SEMA3C: variants seen among roughly 807,000 people sequenced by gnomAD.
SEMA3C encodes semaphorin-3C.
Under a neutral mutation model 89.4 loss-of-function variants are expected in SEMA3C, and 47 were observed. The observed-to-expected ratio is 0.53, with a 90% CI of 0.42 to 0.67. The LOEUF is 0.67. Among genes scored for constraint, SEMA3C ranks in the 30% least tolerant of loss-of-function variants. The pLI, the probability that SEMA3C is intolerant of heterozygous loss-of-function variation, is 0.00. For synonymous variants in SEMA3C, 310 were observed against 320.2 expected (o/e 0.97, Z 0.34); for missense variants, 839 against 929.1 (o/e 0.90, Z 1.26).
chr7:80,828,335 T>G (rs1179774019), intron 3 of SEMA3C, among the ~76,000 whole-genome samples: 2 of 152,080 alleles, frequency 1.3e-5, no homozygotes, highest in South Asian at 2.1e-4. Flanking sequence ...TTTCTTTATA[T>G]ATTTATACAC....
chr7:80,918,495 T>G (rs1792331521), intron 1 of SEMA3C: 1 of 152,202 alleles, frequency 6.6e-6, no homozygotes, highest in Non-Finnish European at 1.5e-5. Context: ...CTTCTTCCCT[T>G]TAACTCAGAC....
chr7:80,872,924 A>G (rs376941471), intron 2 of SEMA3C, among the ~76,000 whole-genome samples: 60 of 113,016 alleles, frequency 5.3e-4, no homozygotes, highest in Middle Eastern at 4.5e-3. Context: ...AATGAGAGTG[A>G]AAAAAAAAAA....
At chr7:80,746,747 G>GTGTGTGTGTGTGTGT (rs1554357889) in intron 17 of SEMA3C, among the ~76,000 whole-genome samples, 11 of 150,600 alleles carry the variant, frequency 7.3e-5, no homozygotes, top group Non-Finnish European at 1.2e-4. Flanking sequence ...GTGTGTGTGT[G>GTGTGTGTGTGTGTGT]GAGGGGAGGA....
intron 2 of SEMA3C, among the ~76,000 whole-genome samples, chr7:80,906,970 T>G (rs1792030506): frequency 6.6e-6 from 1 of 152,196 alleles, no homozygotes; most frequent in South Asian, 2.1e-4. Flanking sequence ...AACCAAAGGT[T>G]ATAATACTAG....
chr7:80,872,414 A>G (rs1791082968), intron 2 of SEMA3C, among the ~76,000 whole-genome samples: 1 of 152,066 alleles, frequency 6.6e-6, no homozygotes, highest in African/African-American at 2.4e-5. Context: ...CAGCCTCCCA[A>G]AGTGCTGAGA....
At chr7:80,853,745 T>C (rs1335306102) in intron 2 of SEMA3C, among the ~76,000 whole-genome samples, 1 of 152,194 alleles carries the variant, frequency 6.6e-6, no homozygotes, top group Non-Finnish European at 1.5e-5. Flanking sequence ...AATAATTTAT[T>C]GTACATTTAA....
chr7:80,758,355 G>A lies in SEMA3C; in HGVS notation c.1619C>T (p.Ser540Phe). ...PYCAWDGHSC[S>F]RFYPTGKRRS... ...CCGTTTCCCAGTTGGGTAGAATCTGGAACAGGAATGGCCATCCCAGGCGCA... is the reference window on the plus strand; with the variant it reads ...CCGTTTCCCAGTTGGGTAGAATCTGAAACAGGAATGGCCATCCCAGGCGCA... Residue 540 changes from serine (S) to phenylalanine (F), a missense_variant, in exon 15 of 18, where the codon TCC (serine) becomes TTC (phenylalanine). By Grantham distance (155) the Ser-to-Phe change is radical (BLOSUM62 -2). Transcript: ENST00000265361. 1 of 1,613,732 alleles carries A rather than the reference G, an allele frequency of 6.2e-7. No homozygotes were observed. The highest frequency in any genetic ancestry group is 8.5e-7 in the Non-Finnish European group (1 of 1,179,878).
chr7:80,814,506 T>C (rs1356917696), intron 5 of SEMA3C, among the ~76,000 whole-genome samples: 2 of 152,148 alleles, frequency 1.3e-5, no homozygotes, highest in Admixed American at 6.5e-5. Flanking sequence ...ACTCCCTCTC[T>C]GCATAATTAA....
At chr7:80,861,413 A>T (rs1237009714) in intron 2 of SEMA3C, among the ~76,000 whole-genome samples, 1 of 152,132 alleles carries the variant, frequency 6.6e-6, no homozygotes, top group East Asian at 1.9e-4. Context: ...GGTTTTCAAT[A>T]TTCTAGACCT....
chr7:80,813,353 T>G (rs1789516248), intron 5 of SEMA3C, among the ~76,000 whole-genome samples: 1 of 152,208 alleles, frequency 6.6e-6, no homozygotes. Flanking sequence ...ACAGTGGCCT[T>G]TCAAAGATTC....
At chr7:80,836,715 AACAG>A (rs1450226809) in intron 2 of SEMA3C, among the ~76,000 whole-genome samples, 44 of 138,468 alleles carry the variant, frequency 3.2e-4, no homozygotes, top group African/African-American at 9.3e-4. Context: ...AACAAACAAA[AACAG>A]ACAGACAGCA....
At chr7:80,755,580 T>G (rs2117042556) in intron 15 of SEMA3C, among the ~76,000 whole-genome samples, 1 of 151,990 alleles carries the variant, frequency 6.6e-6, no homozygotes, top group South Asian at 2.1e-4. Flanking sequence ...CCTTTCTTCC[T>G]TGGAAGGTAT....
chr7:80,872,935 A>G (rs1791103443), intron 2 of SEMA3C, among the ~76,000 whole-genome samples: 1 of 151,234 alleles, frequency 6.6e-6, no homozygotes, highest in East Asian at 1.9e-4. Context: ...AAAAAAAAAA[A>G]AAAAAAAAGA....
intron 1 of SEMA3C, among the ~76,000 whole-genome samples, chr7:80,917,839 A>G (rs1792313659): frequency 6.6e-6 from 1 of 152,224 alleles, no homozygotes; most frequent in Non-Finnish European, 1.5e-5. Flanking sequence ...TTTCAAATTA[A>G]AATTTCATAG....
intron 6 of SEMA3C, among the ~76,000 whole-genome samples, chr7:80,807,740 AT>A (rs1394041963): frequency 6.6e-6 from 1 of 152,192 alleles, no homozygotes; most frequent in African/African-American, 2.4e-5. Context: ...GAAATTTGGA[AT>A]TCTAATTCTT....
chr7:80,812,943 C>T lies in SEMA3C; in HGVS notation c.448-2242G>A, dbSNP rs184629659. On this transcript the variant is annotated intron_variant, in intron 5 of 17. Coordinates refer to ENST00000265361, the MANE Select transcript of SEMA3C (RefSeq NM_006379.5). ...CTAGGACTACAGGGAAGCACCACCA[C>T]GCCTGGCTATTTTTTGTATTTTTTT... 8.0e-5 allele frequency among the ~76,000 whole-genome samples: 12 copies of T among 150,142 alleles called. No individual in the cohort carries two copies. In the South Asian group the frequency reaches 2.1e-3, roughly 27 times the overall value.
intron 4 of SEMA3C, among the ~76,000 whole-genome samples, chr7:80,820,610 A>G (rs2115773431): frequency 6.6e-6 from 1 of 152,270 alleles, no homozygotes; most frequent in East Asian, 1.9e-4. Flanking sequence ...AAAGAAATTA[A>G]TCCTTATAGA....
intron 5 of SEMA3C, among the ~76,000 whole-genome samples, chr7:80,814,545 T>A (rs879898522): frequency 1.3e-5 from 2 of 152,094 alleles, no homozygotes; most frequent in Non-Finnish European, 2.9e-5. Context: ...CTCCAGTTAC[T>A]CTTATAAAAC....
chr7:80,759,947 G>A (rs946657337), intron 14 of SEMA3C, among the ~76,000 whole-genome samples: 3 of 152,100 alleles, frequency 2.0e-5, no homozygotes, highest in African/African-American at 7.2e-5. Context: ...TTTGAGTGTA[G>A]GACACAGGTA....
Sources: allele counts gnomAD v4.1 joint callset (sites outside exome capture counted in the v4.1 genomes callset), GRCh38; gene constraint gnomAD v4.1.1; transcripts MANE v1.5; gene names NCBI Gene and HGNC (gene_info 2026-07-23, HGNC 2026-07-21).